The following CAMTA1 variants were observed in gnomAD, a reference collection of about 807,000 sequenced individuals.
The protein encoded by CAMTA1 is calmodulin-binding transcription activator 1.
In CAMTA1, 27 loss-of-function variants were observed where a neutral mutation model predicts 170.9. The observed-to-expected ratio is 0.16, with a 90% CI of 0.12 to 0.22. The LOEUF is 0.22. Among genes scored for constraint, CAMTA1 ranks in the 10% least tolerant of loss-of-function variants. The pLI is 1.00. For synonymous variants in CAMTA1, 833 were observed against 891.5 expected, an observed-to-expected ratio of 0.93 and a Z score of 1.17; for missense variants, 1,619 against 2,217.2, an observed-to-expected ratio of 0.73 and a Z score of 5.42.
chr1:7,426,185 GGT>G lies in CAMTA1; in HGVS notation c.439-41643_439-41642del, dbSNP rs1172402562. On this transcript the variant is annotated intron_variant, in intron 5 of 22. Transcript: ENST00000303635. The surrounding 1 kb of genome is among the most constrained non-coding windows in gnomAD (Gnocchi z 4.8). The stretch of plus-strand genomic sequence containing the variant: ...CAGCCTGACTTTAACAGTTTAAAAA[GGT>G]GAGGGCACCTCCCCCAGACCTTGCT... Among the ~76,000 whole-genome samples, 1 of 152,018 alleles carries G rather than the reference GGT, an allele frequency of 6.6e-6. No homozygotes were observed. The highest frequency in any genetic ancestry group is 1.9e-4 in the East Asian group (1 of 5,172).
intron 5 of CAMTA1, among the ~76,000 whole-genome samples, chr1:7,346,462 T>G (rs1314853706): frequency 2.6e-5 from 4 of 152,140 alleles, no homozygotes; most frequent in Non-Finnish European, 5.9e-5. Flanking sequence ...TAGCCTAAAA[T>G]GTAAACAGCT....
chr1:6,897,170 G>GA (rs768292841), intron 3 of CAMTA1, among the ~76,000 whole-genome samples: 2 of 152,210 alleles, frequency 1.3e-5, no homozygotes, highest in Admixed American at 6.5e-5. Context: ...CAGGTAGGAG[G>GA]GAACAAACAG....
At chr1:7,339,782 A>G (rs2083659083) in intron 5 of CAMTA1, among the ~76,000 whole-genome samples, 1 of 151,956 alleles carries the variant, frequency 6.6e-6, no homozygotes, top group African/African-American at 2.4e-5. Flanking sequence ...ATTTTAGTAG[A>G]GACAGGGTTT....
At position 6,990,801 on chromosome 1, in the gene CAMTA1, C is replaced by A. The variant is rs527360401; in HGVS notation, c.235-100503C>A. On this transcript the variant is annotated intron_variant, in intron 3 of 22. Transcript: ENST00000303635. ...TCTCTCTCTGTCTCTCTCTCTCTCT[C>A]TCTCTATATATATATATATTTATAT... Among the ~76,000 whole-genome samples the A allele has an allele frequency of 1.3e-3, 175 of 130,196 alleles. 2 individuals carry two copies. Among genetic ancestry groups the A allele is most frequent in the South Asian group, 9.9e-3 (42 of 4,238 alleles). 85.4% of individuals were successfully genotyped at this position (130,196 alleles called of 152,430 possible).
intron 5 of CAMTA1, among the ~76,000 whole-genome samples, chr1:7,318,528 G>A (rs1032371109): frequency 5.9e-5 from 9 of 152,102 alleles, no homozygotes; most frequent in Admixed American, 2.6e-4. Context: ...CTGATTTTTC[G>A]CCTCCATCTT....
chr1:6,883,588 C>CT (rs1672253277), intron 3 of CAMTA1, among the ~76,000 whole-genome samples: 1 of 152,026 alleles, frequency 6.6e-6, no homozygotes, highest in East Asian at 1.9e-4. Flanking sequence ...GTGGTCTAAG[C>CT]CAGGCAAGGA....
intron 3 of CAMTA1, among the ~76,000 whole-genome samples, chr1:7,053,418 G>A (rs1431423337): frequency 6.6e-6 from 1 of 152,218 alleles, no homozygotes; most frequent in Non-Finnish European, 1.5e-5. Flanking sequence ...CTGGTCTCCT[G>A]CATCACTCCT....
At chr1:6,871,871 T>C in intron 3 of CAMTA1, 1 of 1,453,264 alleles carries the variant, frequency 6.9e-7, no homozygotes, top group East Asian at 2.6e-5. Context: ...TTTAATTTCA[T>C]TTTTTAATTT....
At chr1:7,380,260 C>T (rs1048279571) in intron 5 of CAMTA1, among the ~76,000 whole-genome samples, 50 of 152,192 alleles carry the variant, frequency 3.3e-4, no homozygotes, top group Non-Finnish European at 1.8e-4. Context: ...ACGTCCCTCT[C>T]CTCTGGTATC....
At chr1:7,457,358 G>A (rs906120733) in intron 5 of CAMTA1, among the ~76,000 whole-genome samples, 1 of 151,886 alleles carries the variant, frequency 6.6e-6, no homozygotes, top group Admixed American at 6.6e-5. Flanking sequence ...TTAGGCCGGC[G>A]GCCGCTTTAT....
At chr1:7,416,428 G>T (rs1161667982) in intron 5 of CAMTA1, among the ~76,000 whole-genome samples, 2 of 152,154 alleles carry the variant, frequency 1.3e-5, no homozygotes, top group African/African-American at 4.8e-5. Flanking sequence ...TTTTCACATA[G>T]TCTTATATTT....
At chr1:6,897,868 C>T (rs907883485) in intron 3 of CAMTA1, among the ~76,000 whole-genome samples, 2 of 152,156 alleles carry the variant, frequency 1.3e-5, no homozygotes, top group African/African-American at 4.8e-5. Context: ...GCCTTAAGAG[C>T]CAAAATGATT....
intron 6 of CAMTA1, among the ~76,000 whole-genome samples, chr1:7,600,582 G>A (rs913293794): frequency 6.6e-6 from 1 of 151,732 alleles, no homozygotes; most frequent in Non-Finnish European, 1.5e-5. Flanking sequence ...AAGGTCAGCA[G>A]ATAAGTGAAC....
chr1:6,792,859 TCAC>T (rs1195823405), intron 1 of CAMTA1, among the ~76,000 whole-genome samples: 3 of 152,194 alleles, frequency 2.0e-5, no homozygotes, highest in Non-Finnish European at 4.4e-5. Context: ...GCTGTATTCA[TCAC>T]TCTGCTCTCT....
chr1:6,867,474 G>C (rs1041453097), intron 3 of CAMTA1, among the ~76,000 whole-genome samples: 1 of 152,170 alleles, frequency 6.6e-6, no homozygotes, highest in African/African-American at 2.4e-5. Context: ...GGAAAGGCTG[G>C]AATAGAGGTG....
At chr1:7,349,097 G>A (rs942451729) in intron 5 of CAMTA1, among the ~76,000 whole-genome samples, 1 of 152,162 alleles carries the variant, frequency 6.6e-6, no homozygotes, top group Non-Finnish European at 1.5e-5. Flanking sequence ...GGCTTAAGAC[G>A]GCAAATCCGA....
chr1:7,157,288 T>C (rs1222086428), intron 4 of CAMTA1, among the ~76,000 whole-genome samples: 1 of 134,034 alleles, frequency 7.5e-6, no homozygotes, highest in Admixed American at 8.9e-5. Flanking sequence ...GAGCTTGCAG[T>C]GAGCTGAGAT....
At position 7,003,351 on chromosome 1, in the gene CAMTA1, T is replaced by C. The variant is rs146170496; in HGVS notation, c.235-87953T>C. 4.6e-3 allele frequency among the ~76,000 whole-genome samples: 695 copies of C among 152,356 alleles called. 2 individuals are homozygous for C. The highest frequency in any genetic ancestry group is 0.015 in the African/African-American group (643 of 41,586). On this transcript the variant is annotated intron_variant, in intron 3 of 22. Coordinates refer to ENST00000303635, the MANE Select transcript of CAMTA1 (RefSeq NM_015215.4). ...CTGAATTGCATTTTGCAGAGGTTAG[T>C]ATGGAAATGGATTTGTATGCTTTGA...
rs1672303651 is a variant in CAMTA1, at chr1:7,286,062, G to C, written c.438+36436G>C. Among the ~76,000 whole-genome samples, 1 of 152,322 alleles carries C rather than the reference G, an allele frequency of 6.6e-6. No homozygotes were observed. The highest frequency in any genetic ancestry group is 1.9e-4 in the East Asian group (1 of 5,188). On this transcript the variant is annotated intron_variant, in intron 5 of 22. Coordinates refer to ENST00000303635, the MANE Select transcript of CAMTA1 (RefSeq NM_015215.4). The surrounding 1 kb of genome is among the most constrained non-coding windows in gnomAD (Gnocchi z 4.2). ...GCCAATGGAGCCTGCTGTGTGCCAA[G>C]CACCATGCCAGATTCTGAAGACTCA...
Sources: allele counts gnomAD v4.1 joint callset (sites outside exome capture counted in the v4.1 genomes callset), GRCh38; gene constraint gnomAD v4.1.1; non-coding constraint Gnocchi (gnomAD v3.1); transcripts MANE v1.5; gene names NCBI Gene and HGNC (gene_info 2026-07-23, HGNC 2026-07-21).